Variants in PLEKHM3 observed in about 807,000 individuals in gnomAD.
PLEKHM3 encodes the protein pleckstrin homology domain containing M3.
A neutral mutation model predicts 81.8 loss-of-function variants in PLEKHM3; 45 were observed. The observed-to-expected ratio is 0.55, with a 90% CI of 0.43 to 0.71. PLEKHM3 has a LOEUF of 0.71. Ranked by LOEUF, PLEKHM3 falls within the 30% of genes least tolerant of loss-of-function variation. The pLI, the probability that PLEKHM3 is intolerant of heterozygous loss-of-function variation, is 0.00. For missense variants in PLEKHM3, 788 were observed against 924.3 expected (o/e 0.85, Z 1.91); for synonymous variants, 352 against 356.4 (o/e 0.99, Z 0.14).
chr2:207,967,036 T>G (rs1474245154), intron 3 of PLEKHM3, among the ~76,000 whole-genome samples: 5 of 152,214 alleles, frequency 3.3e-5, no homozygotes, highest in Non-Finnish European at 5.9e-5. Context: ...CAGGCTGAAG[T>G]GCAGTGTCAT....
chr2:207,947,109 T>G (rs538583848), intron 3 of PLEKHM3, among the ~76,000 whole-genome samples: 1 of 152,334 alleles, frequency 6.6e-6, no homozygotes, highest in East Asian at 1.9e-4. Flanking sequence ...ATTTGGCCTC[T>G]GATTGGCTCC....
At chr2:207,828,881 C>T (rs1045231443) in intron 7 of PLEKHM3, among the ~76,000 whole-genome samples, 1 of 152,096 alleles carries the variant, frequency 6.6e-6, no homozygotes, top group Non-Finnish European at 1.5e-5. Context: ...CTCGGCACAC[C>T]AGTGACAGCC....
chr2:207,903,276 G>A (rs753616370), intron 6 of PLEKHM3, among the ~76,000 whole-genome samples: 21 of 152,056 alleles, frequency 1.4e-4, no homozygotes, highest in Non-Finnish European at 2.9e-4. Flanking sequence ...GGAAATTTAG[G>A]GCCCAGGGAA....
intron 1 of PLEKHM3, 25 bp from the exon 2 acceptor site, chr2:208,001,982 A>T (rs1692323649): frequency 3.4e-6 from 1 of 290,178 alleles, no homozygotes; most frequent in Non-Finnish European, 6.5e-6. Context: ...ACAGGATAAC[A>T]TTGGCACATG....
At chr2:207,849,963 G>A (rs2092403756) in intron 7 of PLEKHM3, among the ~76,000 whole-genome samples, 1 of 152,178 alleles carries the variant, frequency 6.6e-6, no homozygotes, top group African/African-American at 2.4e-5. Flanking sequence ...CTGGAGGCTG[G>A]GAGGTCTAGG....
intron 5 of PLEKHM3, among the ~76,000 whole-genome samples, chr2:207,923,905 A>ATATATATATATATATATATATTTT (rs1396762429): frequency 3.5e-5 from 1 of 28,348 alleles, no homozygotes; most frequent in Non-Finnish European, 6.4e-5. Flanking sequence ...ATATATATAT[A>ATATATATATATATATATATATTTT]TTTTTTTTTT....
chr2:207,915,636 G>A (rs1688966510), intron 5 of PLEKHM3, among the ~76,000 whole-genome samples: 1 of 152,042 alleles, frequency 6.6e-6, no homozygotes, highest in Non-Finnish European at 1.5e-5. Context: ...TCTCATCTTA[G>A]GCTTTAAAGA....
intron 5 of PLEKHM3, chr2:207,929,851 C>G (rs1472116030): frequency 6.0e-6 from 4 of 670,922 alleles, no homozygotes; most frequent in African/African-American, 5.4e-5. Flanking sequence ...TCTCAAAACT[C>G]CATCACTTCA....
intron 3 of PLEKHM3, among the ~76,000 whole-genome samples, chr2:207,966,431 C>T (rs1690910016): frequency 6.6e-6 from 1 of 152,244 alleles, no homozygotes; most frequent in Admixed American, 6.5e-5. Context: ...CTTTTCTCCT[C>T]TAAGTGACAG....
chr2:207,862,255 ATTACAT>A (rs1400565809), intron 6 of PLEKHM3, among the ~76,000 whole-genome samples: 1 of 152,264 alleles, frequency 6.6e-6, no homozygotes. Context: ...ACAATTGAAG[ATTACAT>A]TTAATTTGGA....
At chr2:207,914,414 A>AT (rs1285569476) in intron 5 of PLEKHM3, among the ~76,000 whole-genome samples, 1 of 151,934 alleles carries the variant, frequency 6.6e-6, no homozygotes, top group Non-Finnish European at 1.5e-5. Context: ...AGGAGAATTG[A>AT]TTGAACCCAG....
intron 1 of PLEKHM3, among the ~76,000 whole-genome samples, chr2:208,021,977 A>C (rs1465291473): frequency 6.6e-6 from 1 of 152,246 alleles, no homozygotes; most frequent in Non-Finnish European, 1.5e-5. Context: ...GTTTTTTCCT[A>C]AATAAAGTTA....
chr2:207,893,220 C>T (rs1688114780), intron 6 of PLEKHM3, among the ~76,000 whole-genome samples: 1 of 152,212 alleles, frequency 6.6e-6, no homozygotes, highest in Admixed American at 6.5e-5. Flanking sequence ...CTTTCTGCCA[C>T]CCCAAAGCCT....
At position 208,001,704 on chromosome 2, in the gene PLEKHM3, C is replaced by A; in HGVS notation, c.-65G>T. 1 of 1,544,520 alleles carries A rather than the reference C, an allele frequency of 6.5e-7. No homozygotes were observed. The highest frequency in any genetic ancestry group is 1.3e-5 in the South Asian group (1 of 78,568). On this transcript the variant is annotated 5_prime_UTR_variant, in exon 2 of 8. Transcript: ENST00000427836. Reference sequence around the variant, plus strand: ...CCAGAAATGGCTTCATGAACATTCACCCAACCAAGAGGGGTGCTTCAGCAA... The same window carrying A: ...CCAGAAATGGCTTCATGAACATTCAACCAACCAAGAGGGGTGCTTCAGCAA...
At chr2:207,998,956 G>A (rs1039844565) in intron 2 of PLEKHM3, among the ~76,000 whole-genome samples, 2 of 151,982 alleles carry the variant, frequency 1.3e-5, no homozygotes, top group Non-Finnish European at 2.9e-5. Context: ...ATTCTGCTAG[G>A]CACTGGGCTT....
intron 6 of PLEKHM3, among the ~76,000 whole-genome samples, chr2:207,887,613 A>T (rs532005279): frequency 1.3e-5 from 2 of 152,248 alleles, no homozygotes; most frequent in Non-Finnish European, 2.9e-5. Flanking sequence ...GGACTTACTC[A>T]TCAGTAAACA....
At chr2:207,872,620 C>T (rs944657640) in intron 6 of PLEKHM3, among the ~76,000 whole-genome samples, 4 of 152,094 alleles carry the variant, frequency 2.6e-5, no homozygotes, top group African/African-American at 9.7e-5. Context: ...GATGGATCAC[C>T]TGAGGTCAGG....
intron 5 of PLEKHM3, among the ~76,000 whole-genome samples, chr2:207,922,750 C>T (rs933469558): frequency 4.6e-5 from 7 of 151,322 alleles, no homozygotes; most frequent in Non-Finnish European, 8.8e-5. Context: ...AGGCAGAACT[C>T]GCAGTGAGCA....
At chr2:207,938,390 G>A (rs1437470051) in intron 4 of PLEKHM3, among the ~76,000 whole-genome samples, 2 of 152,172 alleles carry the variant, frequency 1.3e-5, no homozygotes, top group African/African-American at 2.4e-5. Context: ...GGGCAGGCCA[G>A]GAAATGCTTA....
Sources: allele counts gnomAD v4.1 joint callset (sites outside exome capture counted in the v4.1 genomes callset), GRCh38; gene constraint gnomAD v4.1.1; transcripts MANE v1.5; gene names NCBI Gene and HGNC (gene_info 2026-07-23, HGNC 2026-07-21).